TRDN: variants seen among roughly 807,000 people sequenced by gnomAD.
TRDN encodes triadin in skeletal muscle.
TRDN carries 161 observed loss-of-function variants against 149.7 expected under a neutral mutation model. The observed-to-expected ratio is 1.08, with a 90% CI of 0.95 to 1.23. The LOEUF (loss-of-function observed/expected upper bound fraction) is 1.23. Among genes scored for constraint, TRDN ranks in the 50% most tolerant of loss-of-function variants. TRDN has a pLI of 0.00. For synonymous variants in TRDN, 294 were observed against 250.5 expected, an observed-to-expected ratio of 1.17 and a Z score of -1.64; for missense variants, 896 against 823.5, an observed-to-expected ratio of 1.09 and a Z score of -1.08.
At chr6:123,633,234 G>A (rs1370938903) in intron 1 of TRDN, among the ~76,000 whole-genome samples, 12 of 152,060 alleles carry the variant, frequency 7.9e-5, no homozygotes, top group Admixed American at 7.9e-4. Flanking sequence ...ATAAAGGACT[G>A]TTTATAGCCC....
At chr6:123,553,929 T>C (rs537735963) in intron 2 of TRDN, among the ~76,000 whole-genome samples, 15 of 152,272 alleles carry the variant, frequency 9.9e-5, no homozygotes, top group Admixed American at 9.2e-4. Flanking sequence ...GCAGATAATA[T>C]GGTTTAATAA....
chr6:123,618,408 A>G (rs9388272), intron 1 of TRDN, among the ~76,000 whole-genome samples: 37,887 of 151,990 alleles, frequency 0.25, 4,873 homozygotes, highest in East Asian at 0.43. Flanking sequence ...CTGGCCACCA[A>G]CAGAAAAAGT....
At chr6:123,301,893 G>T (rs143065190) in intron 24 of TRDN, among the ~76,000 whole-genome samples, 2 of 148,108 alleles carry the variant, frequency 1.4e-5, no homozygotes, top group South Asian at 2.1e-4. Flanking sequence ...GGCGGTCTGC[G>T]TGTATATTTA....
At chr6:123,505,113 G>A (rs1221287756) in intron 7 of TRDN, among the ~76,000 whole-genome samples, 1 of 151,810 alleles carries the variant, frequency 6.6e-6, no homozygotes, top group African/African-American at 2.4e-5. Flanking sequence ...GCGTGGTGGT[G>A]CATGCCTGTA....
At chr6:123,499,719 A>AAAAAAAAAAAAAAAAAATATGTAT in intron 8 of TRDN, among the ~76,000 whole-genome samples, 1 of 47,678 alleles carries the variant, frequency 2.1e-5, no homozygotes, top group Non-Finnish European at 4.5e-5. Context: ...AAAAAAAAAA[A>AAAAAAAAAAAAAAAAAATATGTAT]ATATATATAT....
chr6:123,227,358 T>C (rs1272618422), intron 38 of TRDN, among the ~76,000 whole-genome samples: 1 of 151,878 alleles, frequency 6.6e-6, no homozygotes, highest in Non-Finnish European at 1.5e-5. Flanking sequence ...GATATGTTAT[T>C]TGAGTTTGGA....
chr6:123,452,974 A>T (rs992131957), intron 10 of TRDN, among the ~76,000 whole-genome samples: 2 of 147,782 alleles, frequency 1.4e-5, no homozygotes, highest in Admixed American at 6.7e-5. Context: ...TGATCTTCGA[A>T]AAAGCAAACA....
intron 6 of TRDN, 47 bp downstream of exon 6, chr6:123,516,094 T>C (rs1216173356): frequency 2.9e-6 from 4 of 1,401,184 alleles, no homozygotes; most frequent in Non-Finnish European, 3.8e-6. Context: ...AGGAAGTCAA[T>C]GGGAAAGGAC....
At chr6:123,442,000 G>C (rs1056138011) in intron 10 of TRDN, 9 of 152,120 alleles carry the variant, frequency 5.9e-5, no homozygotes, top group Non-Finnish European at 1.3e-4. Flanking sequence ...TGTTTTCTTA[G>C]AGTGGCAGAG....
chr6:123,387,318 T>C (rs1247066100), intron 14 of TRDN, among the ~76,000 whole-genome samples: 2 of 152,142 alleles, frequency 1.3e-5, no homozygotes, highest in Non-Finnish European at 2.9e-5. Flanking sequence ...AAATATGGTA[T>C]TATTTATGCA....
intron 22 of TRDN, 45 bp from the exon 23 acceptor site, chr6:123,331,974 A>G: frequency 1.4e-6 from 2 of 1,411,566 alleles, no homozygotes. Flanking sequence ...AGACAAAGAG[A>G]TTTTCAGATA....
intron 20 of TRDN, among the ~76,000 whole-genome samples, chr6:123,357,170 A>G (rs1780714261): frequency 6.6e-6 from 1 of 151,996 alleles, no homozygotes. Context: ...GACTTATAGA[A>G]TACTTAGAAA....
chr6:123,620,570 C>T (rs984023253), intron 1 of TRDN, among the ~76,000 whole-genome samples: 2 of 151,988 alleles, frequency 1.3e-5, no homozygotes, highest in African/African-American at 4.8e-5. Context: ...GGAGGTAATA[C>T]AATATAGATA....
chr6:123,278,915 T>C (rs1490586490), intron 25 of TRDN, 141 bp downstream of exon 25: 2 of 640,714 alleles, frequency 3.1e-6, no homozygotes, highest in East Asian at 3.2e-5. Flanking sequence ...ATGAGTACAT[T>C]GTCTACACAA....
intron 2 of TRDN, among the ~76,000 whole-genome samples, chr6:123,567,417 C>T (rs951744863): frequency 4.6e-5 from 7 of 152,020 alleles, no homozygotes; most frequent in Non-Finnish European, 5.9e-5. Flanking sequence ...TAGGTTGTTC[C>T]GGCATTGCTA....
chr6:123,633,393 G>T (rs1344828974), intron 1 of TRDN, among the ~76,000 whole-genome samples: 1 of 152,028 alleles, frequency 6.6e-6, no homozygotes, highest in African/African-American at 2.4e-5. Context: ...ATATGACTCT[G>T]TGGTCAGGCA....
chr6:123,522,421 T>G (rs950306435), intron 5 of TRDN, among the ~76,000 whole-genome samples: 4 of 104,822 alleles, frequency 3.8e-5, no homozygotes, highest in South Asian at 3.6e-4. Context: ...CAATATACAA[T>G]AAACAAACAA....
intron 24 of TRDN, among the ~76,000 whole-genome samples, chr6:123,290,892 C>A (rs1219592910): frequency 2.0e-5 from 3 of 152,162 alleles, no homozygotes; most frequent in South Asian, 4.1e-4. Context: ...TGCAGTGGAT[C>A]ACAACTGTAA....
At chr6:123,577,270 AT>A (rs1174171148) in intron 1 of TRDN, among the ~76,000 whole-genome samples, 3 of 151,664 alleles carry the variant, frequency 2.0e-5, no homozygotes, top group East Asian at 1.9e-4. Context: ...CCCAACAATT[AT>A]TTTTTTTCTG....
Sources: gnomAD v4.1 joint callset for allele counts (sites outside exome capture counted in the v4.1 genomes callset) on GRCh38, gnomAD v4.1.1 for gene constraint, MANE v1.5 for transcripts, NCBI Gene and HGNC (gene_info 2026-07-23, HGNC 2026-07-21) for gene names.